Variants in D2HGDH observed in about 807,000 individuals in gnomAD.
The protein encoded by D2HGDH is D-2-hydroxyglutarate dehydrogenase.
In D2HGDH, 31 loss-of-function variants were observed where a neutral mutation model predicts 46.9. The ratio of observed to expected loss-of-function variants is 0.66; its 90% CI spans 0.50 to 0.89. The LOEUF (loss-of-function observed/expected upper bound fraction) is 0.89. Among genes scored for constraint, D2HGDH ranks in the 40% least tolerant of loss-of-function variants. The pLI is 0.00. For missense variants in D2HGDH, 698 were observed against 720.8 expected (o/e 0.97, Z 0.36); for synonymous variants, 364 against 332.6 (o/e 1.09, Z -1.03).
rs924415639 is a variant in D2HGDH, at chr2:241,736,510, C to T, written c.292+994C>T. Among the ~76,000 whole-genome samples the T allele has an allele frequency of 2.6e-5, 4 of 152,074 alleles. No individual in the cohort carries two copies. In the East Asian group the frequency reaches 7.7e-4, roughly 29 times the overall value. ...TGGTGGCCCCAGGTACCAAATTACT[C>T]CAGTCTCTGCCTCTGTTTTTCATAC... On this transcript the variant is annotated intron_variant, in intron 2 of 9. Coordinates refer to ENST00000321264, the MANE Select transcript of D2HGDH (RefSeq NM_152783.5).
At chr2:241,754,242 C>T (rs534031844) in intron 8 of D2HGDH, among the ~76,000 whole-genome samples, 10 of 152,328 alleles carry the variant, frequency 6.6e-5, no homozygotes, top group Middle Eastern at 3.4e-3. Flanking sequence ...AGGCGAAAGC[C>T]GGCCTCGCAG....
chr2:241,735,591 G>C (rs566827785), intron 2 of D2HGDH, 75 bp downstream of exon 2: 1 of 1,577,864 alleles, frequency 6.3e-7, no homozygotes, highest in South Asian at 1.1e-5. Context: ...GCTTCAAAGC[G>C]GGCTGAGAAC....
In D2HGDH at chr2:241,744,698, T is replaced by C. The variant is rs1194624289; in HGVS notation, c.685-11T>C. 1.9e-6 allele frequency: 3 copies of C among 1,614,080 alleles called. No homozygotes were observed. In the African/African-American group the frequency reaches 4.0e-5, roughly 22 times the overall value. On this transcript the variant is annotated splice_polypyrimidine_tract_variant and intron_variant, in intron 5 of 9. Transcript: ENST00000321264. ...TGGCAGGTGGGTGAACGTGCTTCTCTTTGCCCCAAGGTGCTGGCCGACGGC... is the reference window on the plus strand; with the variant it reads ...TGGCAGGTGGGTGAACGTGCTTCTCCTTGCCCCAAGGTGCTGGCCGACGGC...
chr2:241,741,929 C>T (rs191250746), intron 3 of D2HGDH, among the ~76,000 whole-genome samples: 66 of 152,260 alleles, frequency 4.3e-4, no homozygotes, highest in Non-Finnish European at 7.5e-4. Context: ...TCCCAGAGCA[C>T]GGAACTTTGG....
intron 2 of D2HGDH, among the ~76,000 whole-genome samples, chr2:241,739,672 A>C (rs1693903390): frequency 6.6e-6 from 1 of 152,258 alleles, no homozygotes; most frequent in African/African-American, 2.4e-5. Flanking sequence ...AGTGGTTAGC[A>C]ACACCGGCGA....
Position 241,735,338 on chromosome 2 carries a change from C to T in D2HGDH, c.114C>T (p.Ser38=), listed in dbSNP as rs767944127. 188 of 1,550,176 alleles carry T rather than the reference C, an allele frequency of 1.2e-4. No individual in the cohort carries two copies. Among genetic ancestry groups the T allele is most frequent in the Non-Finnish European group, 1.6e-4 (179 of 1,152,364 alleles). Residue 38 remains serine (S), a synonymous_variant, in exon 2 of 10, where the codon TCC becomes TCT. Coordinates refer to ENST00000321264, the MANE Select transcript of D2HGDH (RefSeq NM_152783.5). ...CCCTGGCCCGCAGAGGCTGCTGCTC[C>T]GCCCCGGGGACCCCCGAGGTGCCGC... The part of the protein sequence containing the change: ...VGPLARRGCC[S]APGTPEVPLT...
chr2:241,746,849 C>T (rs1695989813), intron 6 of D2HGDH, among the ~76,000 whole-genome samples: 1 of 149,626 alleles, frequency 6.7e-6, no homozygotes. Context: ...GATCATGCCA[C>T]TGCACTCCAG....
At chr2:241,748,343 A>C (rs1189061847) in intron 6 of D2HGDH, among the ~76,000 whole-genome samples, 2 of 151,340 alleles carry the variant, frequency 1.3e-5, no homozygotes, top group Non-Finnish European at 2.9e-5. Context: ...CTGGTCTGTG[A>C]CTCCTGACCT....
At chr2:241,759,617 G>A (rs111792955) in intron 9 of D2HGDH, among the ~76,000 whole-genome samples, 31,410 of 152,150 alleles carry the variant, frequency 0.21, 4,545 homozygotes, top group African/African-American at 0.41. Context: ...GAATGAGAGC[G>A]TTTGGCTGCT....
chr2:241,763,136 G>T (rs577229101), intron 9 of D2HGDH, among the ~76,000 whole-genome samples: 1 of 152,336 alleles, frequency 6.6e-6, no homozygotes, highest in South Asian at 2.1e-4. Flanking sequence ...GGTGCAGGCC[G>T]CCGTTGCTCG....
At position 241,755,428 on chromosome 2, in the gene D2HGDH, C is replaced by G. The variant is rs762436885; in HGVS notation, c.1141-421C>G. ...TCCAGGCCCATTCTCATCCTCAGGGCCTTCCCTGGCCCTTGCCACTCTGTG... is the reference window on the plus strand; with the variant it reads ...TCCAGGCCCATTCTCATCCTCAGGGGCTTCCCTGGCCCTTGCCACTCTGTG... On this transcript the variant is annotated intron_variant, in intron 8 of 9. Coordinates refer to ENST00000321264, the MANE Select transcript of D2HGDH (RefSeq NM_152783.5). The G allele has an allele frequency of 5.0e-5, 65 of 1,308,686 alleles. 2 individuals carry two copies. The South Asian group carries it at 7.3e-4, about 15-fold the overall frequency. 81.1% of individuals were successfully genotyped at this position (1,308,686 alleles called of 1,614,324 possible). A position where few individuals can be genotyped will look rare whatever the true frequency, so the allele number is the denominator to read the frequency against.
At chr2:241,741,846 T>C (rs369266229) in intron 3 of D2HGDH, among the ~76,000 whole-genome samples, 1,488 of 83,610 alleles carry the variant, frequency 0.018, no homozygotes, top group African/African-American at 0.044. Context: ...GGGCTTGCTG[T>C]CTCCAGGGTT....
chr2:241,768,630 C>T lies in D2HGDH; in HGVS notation c.*661C>T, dbSNP rs113372064. The T allele has an allele frequency of 0.063, 9,542 of 152,358 alleles. 409 individuals are homozygous for T. The highest frequency in any genetic ancestry group is 0.1 in the Non-Finnish European group (6,933 of 68,108). The allele number at this position is 152,358 out of a possible 1,614,324, so 9.4% of individuals were successfully genotyped here. ...TCAGGGCAAGCTGTGCTCTGAGTTT[C>T]GGGTTCTGCTCCTACAAAGAACGTG... On this transcript the variant is annotated 3_prime_UTR_variant, in exon 10 of 10. Transcript: ENST00000321264.
intron 3 of D2HGDH, 108 bp downstream of exon 3, chr2:241,741,198 C>T: frequency 9.9e-7 from 1 of 1,015,178 alleles, no homozygotes; most frequent in Non-Finnish European, 1.5e-6. Flanking sequence ...CAGCCGATGA[C>T]ATCTTGGTTT....
chr2:241,758,769 ATGTGTGTGTGTG>A (rs558559121), intron 9 of D2HGDH, among the ~76,000 whole-genome samples: 38 of 131,970 alleles, frequency 2.9e-4, no homozygotes, highest in East Asian at 4.6e-4. Flanking sequence ...CCCACAATAT[ATGTGTGTGTGTG>A]TGTGTGTGTG....
At chr2:241,736,979 G>GT (rs1193664261) in intron 2 of D2HGDH, among the ~76,000 whole-genome samples, 6 of 150,478 alleles carry the variant, frequency 4.0e-5, no homozygotes, top group African/African-American at 1.5e-4. Context: ...TTTTCTTTTT[G>GT]TTTTTTTGAG....
intron 9 of D2HGDH, 63 bp downstream of exon 9, chr2:241,756,077 C>G: frequency 6.5e-7 from 1 of 1,533,588 alleles, no homozygotes; most frequent in Non-Finnish European, 8.8e-7. Context: ...CGGTCACCGT[C>G]ACCCTGCCAG....
rs186785802 is a variant in D2HGDH, at chr2:241,741,842, G to T, written c.351-593G>T. Among the ~76,000 whole-genome samples the T allele has an allele frequency of 4.6e-3, 700 of 150,784 alleles. 3 individuals are homozygous for T. Among genetic ancestry groups the T allele is most frequent in the African/African-American group, 0.017 (685 of 40,576 alleles). On this transcript the variant is annotated intron_variant, in intron 3 of 9. Coordinates refer to ENST00000321264, the MANE Select transcript of D2HGDH (RefSeq NM_152783.5). ...AGGGTTTATTTCATGTGTGGGGCTTGCTGTCTCCAGGGTTTATTTCATGTG... is the reference window on the plus strand; with the variant it reads ...AGGGTTTATTTCATGTGTGGGGCTTTCTGTCTCCAGGGTTTATTTCATGTG...
chr2:241,735,141 C>T lies in D2HGDH; in HGVS notation c.-84C>T. 1.5e-6 allele frequency: 2 copies of T among 1,374,626 alleles called. No homozygotes were observed. Among genetic ancestry groups the T allele is most frequent in the Non-Finnish European group, 1.9e-6 (2 of 1,059,430 alleles). The allele number at this position is 1,374,626 out of a possible 1,614,324, so 85.2% of individuals were successfully genotyped here. On this transcript the variant is annotated 5_prime_UTR_variant, in exon 2 of 10. Transcript: ENST00000321264. ...CCCTTGGCCACTTCCAGGCGCGCAG[C>T]CAGCGGCTCCCTGCCCTTCCCCTCC...
Sources: gnomAD v4.1 joint callset for allele counts (sites outside exome capture counted in the v4.1 genomes callset) on GRCh38, gnomAD v4.1.1 for gene constraint, MANE v1.5 for transcripts, NCBI Gene and HGNC (gene_info 2026-07-23, HGNC 2026-07-21) for gene names.